CREB5: variants seen among roughly 807,000 people sequenced by gnomAD.
The protein encoded by CREB5 is cyclic AMP-responsive element-binding protein 5.
A neutral mutation model predicts 57.1 loss-of-function variants in CREB5; 19 were observed. The observed-to-expected ratio is 0.33, with a 90% CI of 0.23 to 0.49. The LOEUF is 0.49. Among genes scored for constraint, CREB5 ranks in the 20% least tolerant of loss-of-function variants. The pLI is 0.99. For missense variants in CREB5, 579 were observed against 671.6 expected, an observed-to-expected ratio of 0.86 and a Z score of 1.52; for synonymous variants, 238 against 238.3, an observed-to-expected ratio of 1.00 and a Z score of 0.01.
intron 7 of CREB5, among the ~76,000 whole-genome samples, chr7:28,781,006 C>T (rs1208538617): frequency 6.6e-6 from 1 of 152,174 alleles, no homozygotes; most frequent in East Asian, 1.9e-4. Context: ...ATTTCTGTAA[C>T]TTTGAACTCT....
chr7:28,699,902 AAC>A (rs1801758711), intron 5 of CREB5, among the ~76,000 whole-genome samples: 1 of 152,306 alleles, frequency 6.6e-6, no homozygotes, highest in Middle Eastern at 3.4e-3. Context: ...AAGTGTGCAG[AAC>A]AGTCTATCAA....
At chr7:28,498,258 T>TA (rs1237732085) in intron 3 of CREB5, among the ~76,000 whole-genome samples, 1 of 152,122 alleles carries the variant, frequency 6.6e-6, no homozygotes, top group African/African-American at 2.4e-5. Context: ...AATATCAGGG[T>TA]AAAAATCTTC....
Position 28,560,706 on chromosome 7 carries a change from T to G in CREB5, c.292-9659T>G, listed in dbSNP as rs1156845872. Among the ~76,000 whole-genome samples, 5 of 151,352 alleles carry G rather than the reference T, an allele frequency of 3.3e-5. No individual in the cohort carries two copies. The South Asian group carries it at 1.0e-3, about 32-fold the overall frequency. On this transcript the variant is annotated intron_variant, in intron 4 of 10. Transcript: ENST00000357727. ...AGGATCATGTGTTTAGTGGTGGAGT[T>G]TGGATGAAAACACAGACCTGCTGAC...
At chr7:28,693,396 G>A (rs1562576407) in intron 5 of CREB5, among the ~76,000 whole-genome samples, 1 of 152,218 alleles carries the variant, frequency 6.6e-6, no homozygotes, top group Non-Finnish European at 1.5e-5. Context: ...TTGAATTGAA[G>A]TCACGTTGGG....
intron 7 of CREB5, among the ~76,000 whole-genome samples, chr7:28,757,503 T>C (rs1166051559): frequency 6.6e-6 from 1 of 151,944 alleles, no homozygotes; most frequent in Non-Finnish European, 1.5e-5. Context: ...AAACCCCGTC[T>C]CTACTAAAAA....
At chr7:28,405,450 C>T (rs1164185101) in intron 1 of CREB5, among the ~76,000 whole-genome samples, 1 of 152,148 alleles carries the variant, frequency 6.6e-6, no homozygotes, top group East Asian at 1.9e-4. Context: ...CTCACTCTAT[C>T]ATCCATGCTG....
At chr7:28,324,308 T>G (rs894231580) in intron 1 of CREB5, among the ~76,000 whole-genome samples, 1 of 152,156 alleles carries the variant, frequency 6.6e-6, no homozygotes. Flanking sequence ...AGCACTATCT[T>G]CACTCCCTCA....
At chr7:28,571,786 T>C (rs1169467238) in intron 5 of CREB5, among the ~76,000 whole-genome samples, 1 of 152,144 alleles carries the variant, frequency 6.6e-6, no homozygotes, top group East Asian at 1.9e-4. Context: ...AATAAAAGAT[T>C]TAAGAGCACA....
At chr7:28,460,090 C>T (rs917170629) in intron 1 of CREB5, among the ~76,000 whole-genome samples, 44 of 152,272 alleles carry the variant, frequency 2.9e-4, no homozygotes, top group African/African-American at 9.9e-4. Flanking sequence ...TGAAGACATT[C>T]GATGGCTCTA....
intron 5 of CREB5, among the ~76,000 whole-genome samples, chr7:28,699,082 G>A (rs1562580496): frequency 6.6e-6 from 1 of 152,120 alleles, no homozygotes; most frequent in Admixed American, 6.5e-5. Flanking sequence ...CTGTGAGGCT[G>A]CCTTGTCTCA....
At chr7:28,439,407 A>G (rs1789093490) in intron 1 of CREB5, among the ~76,000 whole-genome samples, 1 of 152,206 alleles carries the variant, frequency 6.6e-6, no homozygotes, top group Non-Finnish European at 1.5e-5. Flanking sequence ...CTGCCTTTGC[A>G]CATGCCATTC....
intron 5 of CREB5, among the ~76,000 whole-genome samples, chr7:28,718,058 CA>C (rs2128746174): frequency 6.6e-6 from 1 of 152,292 alleles, no homozygotes; most frequent in East Asian, 1.9e-4. Flanking sequence ...AGTGCTTACC[CA>C]AGTCTTGTAG....
At chr7:28,300,147 C>T (rs1785075945) in intron 1 of CREB5, among the ~76,000 whole-genome samples, 2 of 151,300 alleles carry the variant, frequency 1.3e-5, no homozygotes, top group South Asian at 2.1e-4. Context: ...GGATGCTCAC[C>T]TTGTCAAACT....
intron 1 of CREB5, among the ~76,000 whole-genome samples, chr7:28,382,332 C>T (rs983640337): frequency 1.4e-4 from 21 of 152,120 alleles, no homozygotes; most frequent in Non-Finnish European, 2.5e-4. Context: ...CGGGGCAGTC[C>T]AGTCATTCTA....
At chr7:28,686,292 C>T (rs1800903123) in intron 5 of CREB5, 1 of 872,356 alleles carries the variant, frequency 1.1e-6, no homozygotes, top group African/African-American at 1.7e-5. Flanking sequence ...TCCTCCTCCT[C>T]CTCTTCATTT....
chr7:28,732,958 C>G (rs1056839317), intron 7 of CREB5, among the ~76,000 whole-genome samples: 2 of 151,158 alleles, frequency 1.3e-5, no homozygotes, highest in Non-Finnish European at 2.9e-5. Flanking sequence ...GTTTGAGAAG[C>G]TGGATTGTAC....
intron 7 of CREB5, among the ~76,000 whole-genome samples, chr7:28,790,512 TAAAG>T (rs1418178393): frequency 9.5e-5 from 14 of 147,760 alleles, no homozygotes; most frequent in African/African-American, 2.7e-4. Context: ...GAAAGAAAAA[TAAAG>T]AAAGAAAGGG....
chr7:28,810,156 C>T (rs1583799203), intron 9 of CREB5, among the ~76,000 whole-genome samples: 1 of 151,484 alleles, frequency 6.6e-6, no homozygotes, highest in East Asian at 1.9e-4. Context: ...CTCCAATAGA[C>T]TTTATAGATT....
At chr7:28,489,121 C>A (rs1455189282) in intron 2 of CREB5, among the ~76,000 whole-genome samples, 1 of 152,046 alleles carries the variant, frequency 6.6e-6, no homozygotes, top group East Asian at 1.9e-4. Flanking sequence ...GATCTTCATT[C>A]TGTGGGATAT....
Sources: gnomAD v4.1 joint callset for allele counts (sites outside exome capture counted in the v4.1 genomes callset) on GRCh38, gnomAD v4.1.1 for gene constraint, MANE v1.5 for transcripts, NCBI Gene and HGNC (gene_info 2026-07-23, HGNC 2026-07-21) for gene names.